The following WSCD1 variants were observed in gnomAD, a reference collection of about 807,000 sequenced individuals.
WSCD1 encodes the protein WSC domain sialate O sulfotransferase 1.
A neutral mutation model predicts 60.4 loss-of-function variants in WSCD1; 41 were observed. The ratio of observed to expected loss-of-function variants is 0.68; its 90% confidence interval spans 0.53 to 0.88. The LOEUF is 0.88. Among genes scored for constraint, WSCD1 ranks in the 40% least tolerant of loss-of-function variants. WSCD1 has a pLI of 0.00. For synonymous variants in WSCD1, 361 were observed against 332.5 expected (o/e 1.09, Z -0.93); for missense variants, 784 against 796.2 (o/e 0.98, Z 0.18).
chr17:6,095,670 G>C (rs1910379188), intron 5 of WSCD1, among the ~76,000 whole-genome samples: 1 of 152,214 alleles, frequency 6.6e-6, no homozygotes, highest in South Asian at 2.1e-4. Context: ...CTGAGGAGTA[G>C]AGCGTGACCC....
intron 4 of WSCD1, among the ~76,000 whole-genome samples, chr17:6,092,984 G>A (rs948413795): frequency 3.3e-5 from 5 of 152,246 alleles, no homozygotes; most frequent in Non-Finnish European, 1.5e-5. Context: ...GAGGTGACCA[G>A]GTGACCACCA....
intron 5 of WSCD1, among the ~76,000 whole-genome samples, chr17:6,107,926 G>A (rs577370770): frequency 1.3e-5 from 2 of 152,136 alleles, no homozygotes; most frequent in African/African-American, 2.4e-5. Context: ...CTAGTTGGAC[G>A]TACTACCGAG....
In WSCD1 at chr17:6,120,837, G is replaced by A. The variant is rs1904649033; in HGVS notation, c.*176G>A. The A allele has an allele frequency of 1.3e-5, 9 of 669,706 alleles. No individual in the cohort carries two copies. The highest frequency in any genetic ancestry group is 2.2e-5 in the Non-Finnish European group (9 of 402,274). 41.5% of individuals were successfully genotyped at this position (669,706 alleles called of 1,614,324 possible). The stretch of plus-strand genomic sequence containing the variant: ...GGACACAACAGACACACATCACAAG[G>A]CGAACACAAATGGACACACATACCT... On this transcript the variant is annotated 3_prime_UTR_variant, in exon 9 of 9. Coordinates refer to ENST00000317744, the MANE Select transcript of WSCD1 (RefSeq NM_015253.2).
chr17:6,122,559 A>C lies in WSCD1; in HGVS notation c.*1898A>C, dbSNP rs922674832. ...CTCAGGAGTTTCCACACTGCTGTGG[A>C]CGGGATAGCCAGGGCAGACCTGCAT... On this transcript the variant is annotated 3_prime_UTR_variant, in exon 9 of 9. Coordinates refer to ENST00000317744, the MANE Select transcript of WSCD1 (RefSeq NM_015253.2). 1.3e-5 allele frequency: 2 copies of C among 152,278 alleles called. No individual in the cohort carries two copies. The highest frequency in any genetic ancestry group is 2.9e-5 in the Non-Finnish European group (2 of 68,088). The allele number at this position is 152,278 out of a possible 1,614,324, so 9.4% of individuals were successfully genotyped here.
At chr17:6,086,673 T>C (rs1481467556) in intron 2 of WSCD1, among the ~76,000 whole-genome samples, 1 of 152,060 alleles carries the variant, frequency 6.6e-6, no homozygotes, top group African/African-American at 2.4e-5. Flanking sequence ...GTATTTAGGC[T>C]CTCTGCTAAG....
chr17:6,108,651 C>A (rs779238799), intron 5 of WSCD1, among the ~76,000 whole-genome samples: 2 of 152,228 alleles, frequency 1.3e-5, no homozygotes, highest in Non-Finnish European at 2.9e-5. Flanking sequence ...TCACCTTAAA[C>A]CTACAAGGCA....
intron 8 of WSCD1, among the ~76,000 whole-genome samples, chr17:6,119,048 G>C (rs941065903): frequency 6.6e-6 from 1 of 152,170 alleles, no homozygotes; most frequent in African/African-American, 2.4e-5. Context: ...GTCCCCAACA[G>C]CTCTCTGGTG....
At position 6,110,090 on chromosome 17, in the gene WSCD1, C is replaced by T. The variant is rs1323664626; in HGVS notation, c.1009+324C>T. Among the ~76,000 whole-genome samples, 5 of 152,018 alleles carry T rather than the reference C, an allele frequency of 3.3e-5. No individual in the cohort carries two copies. The highest frequency in any genetic ancestry group is 7.4e-5 in the Non-Finnish European group (5 of 67,990). On this transcript the variant is annotated intron_variant, in intron 6 of 8. Coordinates refer to ENST00000317744, the MANE Select transcript of WSCD1 (RefSeq NM_015253.2). The surrounding 1 kb of genome is among the most constrained non-coding windows in gnomAD (Gnocchi z 4.8). ...ACAGAAAGGTGGTAGGATTGGGAGG[C>T]GTGGGAAGAATGAGATCCCAGGAGC...
At chr17:6,076,649 C>T (rs866447190) in intron 1 of WSCD1, among the ~76,000 whole-genome samples, 1 of 152,194 alleles carries the variant, frequency 6.6e-6, no homozygotes, top group Non-Finnish European at 1.5e-5. Flanking sequence ...AGCCTGAGGC[C>T]CTGCCCTGTG....
At chr17:6,111,700 CAAAAAA>C (rs111930086) in intron 7 of WSCD1, among the ~76,000 whole-genome samples, 542 of 41,242 alleles carry the variant, frequency 0.013, 3 homozygotes, top group African/African-American at 0.042. Flanking sequence ...CACTCCGTCT[CAAAAAA>C]AAAAAAAAAA....
At chr17:6,113,593 A>G (rs978958411) in intron 7 of WSCD1, among the ~76,000 whole-genome samples, 5 of 152,254 alleles carry the variant, frequency 3.3e-5, no homozygotes, top group Non-Finnish European at 7.3e-5. Flanking sequence ...TTGGCAAACT[A>G]TTCATCCAAC....
intron 4 of WSCD1, among the ~76,000 whole-genome samples, chr17:6,094,107 A>G (rs1910234795): frequency 6.6e-6 from 1 of 152,208 alleles, no homozygotes; most frequent in Non-Finnish European, 1.5e-5. Context: ...GCATGGGGTA[A>G]TAATCAGGAT....
intron 2 of WSCD1, chr17:6,081,922 G>A (rs977766122): frequency 5.9e-5 from 9 of 152,244 alleles, no homozygotes; most frequent in Middle Eastern, 3.4e-3. Flanking sequence ...GCCTAGTCAG[G>A]AACTCTGGGG....
At chr17:6,074,156 C>T (rs1908706769) in intron 1 of WSCD1, among the ~76,000 whole-genome samples, 1 of 152,122 alleles carries the variant, frequency 6.6e-6, no homozygotes, top group Admixed American at 6.5e-5. Context: ...GAGTTTTGAC[C>T]TATTATGTTT....
At position 6,120,677 on chromosome 17, in the gene WSCD1, C is replaced by A; in HGVS notation, c.*16C>A. The A allele has an allele frequency of 6.3e-7, 1 of 1,590,964 alleles. No homozygotes were observed. The highest frequency in any genetic ancestry group is 8.6e-7 in the Non-Finnish European group (1 of 1,166,836). On this transcript the variant is annotated 3_prime_UTR_variant, in exon 9 of 9. Transcript: ENST00000317744. ...GCCCAGATGATAGGCCTGGCCCACGCCGCCGCCCCCGCTGAGTGACGCAAT... is the reference window on the plus strand; with the variant it reads ...GCCCAGATGATAGGCCTGGCCCACGACGCCGCCCCCGCTGAGTGACGCAAT...
chr17:6,097,067 T>A (rs1910485053), intron 5 of WSCD1, among the ~76,000 whole-genome samples: 1 of 152,226 alleles, frequency 6.6e-6, no homozygotes, highest in Non-Finnish European at 1.5e-5. Context: ...GTGGCCGGCT[T>A]TGCAGCTCCT....
At chr17:6,099,523 A>C (rs1294455919) in intron 5 of WSCD1, among the ~76,000 whole-genome samples, 3 of 151,706 alleles carry the variant, frequency 2.0e-5, no homozygotes, top group Admixed American at 2.0e-4. Flanking sequence ...TCAAAAACAA[A>C]AAAAAAAAGA....
intron 5 of WSCD1, among the ~76,000 whole-genome samples, chr17:6,103,310 A>T: frequency 6.6e-6 from 1 of 152,296 alleles, no homozygotes. Flanking sequence ...AGTGTCCCCT[A>T]GTTCTTTCAG....
rs750637243 is a variant in WSCD1, at chr17:6,120,415, G to A, written c.1482G>A (p.Arg494=). The change falls in exon 9 of 9, where the codon CGG becomes CGA. Residue 494 remains arginine (R), a synonymous_variant. Transcript: ENST00000317744. Reference sequence around the variant, plus strand: ...TGGTGGTGCACTACGAGGAGCTGCGGCGCAGCCTGGTGCCCACGTTACGGG... The same window carrying A: ...TGGTGGTGCACTACGAGGAGCTGCGACGCAGCCTGGTGCCCACGTTACGGG... ...RLLVVHYEEL[R]RSLVPTLREM... 4 of 1,614,070 alleles carry A rather than the reference G, an allele frequency of 2.5e-6. No individual in the cohort carries two copies. The highest frequency in any genetic ancestry group is 2.2e-5 in the East Asian group (1 of 44,876).
Sources: allele counts gnomAD v4.1 joint callset (sites outside exome capture counted in the v4.1 genomes callset), GRCh38; gene constraint gnomAD v4.1.1; non-coding constraint Gnocchi (gnomAD v3.1); transcripts MANE v1.5; gene names NCBI Gene and HGNC (gene_info 2026-07-23, HGNC 2026-07-21).